The following PPARGC1A variants were observed in gnomAD, a reference collection of about 807,000 sequenced individuals.
PPARGC1A encodes PPARG coactivator 1 alpha.
Under a neutral mutation model 88.7 loss-of-function variants are expected in PPARGC1A, and 25 were observed. That is an observed-to-expected ratio of 0.28 (90% CI 0.21 to 0.39). PPARGC1A has a LOEUF of 0.39. PPARGC1A is among the 10% of genes least tolerant of loss of function. The probability of loss-of-function intolerance (pLI) is 1.00; values close to 1 mark genes in which losing one functional copy is unlikely to be tolerated. For synonymous variants in PPARGC1A, 363 were observed against 355.6 expected (o/e 1.02, Z -0.24); for missense variants, 880 against 968.7 (o/e 0.91, Z 1.22).
chr4:24,006,062 C>T, the PPARGC1A span, among the ~76,000 whole-genome samples: 1 of 151,810 alleles, frequency 6.6e-6, no homozygotes, highest in South Asian at 2.1e-4. Flanking sequence ...TTTTGTTTTG[C>T]TTTTTTGAGA....
the PPARGC1A span, among the ~76,000 whole-genome samples, chr4:24,182,021 T>A: frequency 6.6e-6 from 1 of 152,298 alleles, no homozygotes; most frequent in South Asian, 2.1e-4. Flanking sequence ...CTAGGATACA[T>A]GTGCAGAACG....
chr4:23,953,577 A>C, the PPARGC1A span, among the ~76,000 whole-genome samples: 2 of 152,054 alleles, frequency 1.3e-5, no homozygotes, highest in East Asian at 3.9e-4. Flanking sequence ...CTTATAGAGT[A>C]ATATCCCCAG....
chr4:24,050,294 C>T, the PPARGC1A span, among the ~76,000 whole-genome samples: 1 of 146,448 alleles, frequency 6.8e-6, no homozygotes, highest in African/African-American at 2.5e-5. Flanking sequence ...CTCCCAGGTT[C>T]AAGTGATTCT....
the PPARGC1A span, among the ~76,000 whole-genome samples, chr4:23,983,444 A>G: frequency 6.6e-6 from 1 of 152,070 alleles, no homozygotes; most frequent in African/African-American, 2.4e-5. Context: ...GCAACAACTC[A>G]TGCTGGATAT....
chr4:23,834,563 T>C (rs1725678842), intron 2 of PPARGC1A, among the ~76,000 whole-genome samples: 1 of 151,832 alleles, frequency 6.6e-6, no homozygotes, highest in Non-Finnish European at 1.5e-5. Flanking sequence ...AACTTCAAAA[T>C]GGTGCCACCT....
the PPARGC1A span, among the ~76,000 whole-genome samples, chr4:24,027,391 A>C: frequency 6.6e-6 from 1 of 152,172 alleles, no homozygotes; most frequent in Non-Finnish European, 1.5e-5. Flanking sequence ...CTTCCTCTAT[A>C]AAAGTGGAAA....
At chr4:24,227,187 C>T in the PPARGC1A span, among the ~76,000 whole-genome samples, 1,383 of 151,872 alleles carry the variant, frequency 9.1e-3, 9 homozygotes, top group Non-Finnish European at 0.015. Flanking sequence ...CAGGTTCAAG[C>T]GATTCTCCTG....
the PPARGC1A span, among the ~76,000 whole-genome samples, chr4:24,022,483 G>C: frequency 6.6e-6 from 1 of 152,128 alleles, no homozygotes; most frequent in Non-Finnish European, 1.5e-5. Context: ...CACGGGGCTG[G>C]GGTTTTCTCC....
intron 1 of PPARGC1A, among the ~76,000 whole-genome samples, chr4:23,899,088 C>CA (rs928726793): frequency 2.0e-5 from 3 of 152,026 alleles, no homozygotes; most frequent in Admixed American, 6.5e-5. Context: ...GATCCACCCC[C>CA]CCCCGGCCTT....
the PPARGC1A span, among the ~76,000 whole-genome samples, chr4:24,099,217 A>T: frequency 1.3e-5 from 2 of 151,676 alleles, no homozygotes; most frequent in Non-Finnish European, 2.9e-5. Context: ...AGATTGAATG[A>T]AAAACAAAAG....
chr4:24,066,800 A>G, the PPARGC1A span, among the ~76,000 whole-genome samples: 1 of 148,286 alleles, frequency 6.7e-6, no homozygotes, highest in African/African-American at 2.5e-5. Flanking sequence ...TTGCCATGAC[A>G]TCTATAGACT....
At chr4:24,051,859 G>A in the PPARGC1A span, among the ~76,000 whole-genome samples, 1 of 151,132 alleles carries the variant, frequency 6.6e-6, no homozygotes, top group Non-Finnish European at 1.5e-5. Context: ...GAGAGAATAG[G>A]CACCGAGGCA....
chr4:24,369,835 GTT>G, the PPARGC1A span, among the ~76,000 whole-genome samples: 1 of 152,232 alleles, frequency 6.6e-6, no homozygotes, highest in Non-Finnish European at 1.5e-5. Flanking sequence ...AACCCTCCGA[GTT>G]AGCAGGGGCT....
chr4:24,442,276 C>G, the PPARGC1A span, among the ~76,000 whole-genome samples: 2 of 151,890 alleles, frequency 1.3e-5, no homozygotes, highest in Non-Finnish European at 2.9e-5. Context: ...TCTAAAAACT[C>G]AAAAAGAAAA....
At chr4:24,471,973 C>G in the PPARGC1A span, among the ~76,000 whole-genome samples, 1 of 152,214 alleles carries the variant, frequency 6.6e-6, no homozygotes, top group African/African-American at 2.4e-5. This position sits in a 1 kb window ranked among gnomAD's most constrained non-coding sequence, Gnocchi z 5.4. Flanking sequence ...CTCGGCGCAA[C>G]TGGAAGGCGG....
At chr4:24,321,546 C>T in the PPARGC1A span, among the ~76,000 whole-genome samples, 8 of 152,318 alleles carry the variant, frequency 5.3e-5, no homozygotes, top group African/African-American at 1.7e-4. Flanking sequence ...ATTTGTCTGA[C>T]TTTAATTTCT....
At chr4:24,281,554 A>G in the PPARGC1A span, among the ~76,000 whole-genome samples, 2 of 151,954 alleles carry the variant, frequency 1.3e-5, no homozygotes, top group African/African-American at 2.4e-5. Flanking sequence ...TGACCACAAC[A>G]CCTCCCATTA....
At chr4:24,434,531 T>C in the PPARGC1A span, among the ~76,000 whole-genome samples, 1 of 152,156 alleles carries the variant, frequency 6.6e-6, no homozygotes, top group African/African-American at 2.4e-5. Flanking sequence ...CTGCCACAAA[T>C]GGCGCTCGCG....
the PPARGC1A span, among the ~76,000 whole-genome samples, chr4:24,167,533 G>A: frequency 3.5e-4 from 53 of 152,294 alleles, no homozygotes; most frequent in African/African-American, 1.1e-3. Flanking sequence ...ACATGCTACA[G>A]AGAACTCCTT....
Sources: gnomAD v4.1 joint callset for allele counts (sites outside exome capture counted in the v4.1 genomes callset) on GRCh38, gnomAD v4.1.1 for gene constraint, Gnocchi (gnomAD v3.1) non-coding constraint, MANE v1.5 for transcripts, NCBI Gene and HGNC (gene_info 2026-07-23, HGNC 2026-07-21) for gene names.